Variants in SHROOM2 observed in about 807,000 individuals in gnomAD.
SHROOM2 encodes the protein protein Shroom2.
In SHROOM2, 33 loss-of-function variants were observed where a neutral mutation model predicts 75.9. That is an observed-to-expected ratio of 0.43 (90% CI 0.33 to 0.58). The LOEUF is 0.58. SHROOM2 is among the 20% of genes least tolerant of loss of function. SHROOM2 has a pLI of 0.04. For synonymous variants in SHROOM2, 655 were observed against 663.6 expected, an observed-to-expected ratio of 0.99 and a Z score of 0.20; for missense variants, 1,434 against 1,461.2, an observed-to-expected ratio of 0.98 and a Z score of 0.30.
At chrX:9,874,279 C>T (rs951189150) in intron 2 of SHROOM2, among the ~76,000 whole-genome samples, 30 of 111,969 alleles carry the variant, frequency 2.7e-4, no homozygotes, top group African/African-American at 8.4e-4. Context: ...CTGTACATTA[C>T]GTGTCAGTTG....
intron 1 of SHROOM2, among the ~76,000 whole-genome samples, chrX:9,815,693 C>T (rs767963915): frequency 1.8e-5 from 2 of 109,610 alleles, no homozygotes; most frequent in South Asian, 3.9e-4. Flanking sequence ...AGAGCTGGTC[C>T]GAGTCCCAAA....
intron 1 of SHROOM2, among the ~76,000 whole-genome samples, chrX:9,828,569 A>G (rs1226505975): frequency 3.6e-5 from 4 of 109,784 alleles, no homozygotes; most frequent in African/African-American, 6.6e-5. Flanking sequence ...GCAACCTCCA[A>G]CTCTCCCACC....
At chrX:9,824,338 T>A (rs1478003083) in intron 1 of SHROOM2, among the ~76,000 whole-genome samples, 2 of 110,365 alleles carry the variant, frequency 1.8e-5, no homozygotes, top group Admixed American at 1.9e-4. Flanking sequence ...CTCAGGAGGC[T>A]GAGGCAGGAG....
intron 5 of SHROOM2, among the ~76,000 whole-genome samples, chrX:9,931,405 T>C (rs2084647220): frequency 9.0e-6 from 1 of 111,283 alleles, no homozygotes; most frequent in Non-Finnish European, 1.9e-5. Context: ...ATCTAGCTAC[T>C]CCGCAGGCAG....
chrX:9,921,191 C>T (rs940857639), intron 5 of SHROOM2, among the ~76,000 whole-genome samples: 2 of 111,692 alleles, frequency 1.8e-5, no homozygotes, highest in African/African-American at 3.3e-5. Flanking sequence ...TTGGCTTCCC[C>T]GCTGTGAGTT....
chrX:9,932,198 A>C lies in SHROOM2; in HGVS notation c.2915A>C (p.Glu972Ala). 8.8e-7 allele frequency: 1 copy of C among 1,130,327 alleles called. No individual in the cohort carries two copies. The highest frequency in any genetic ancestry group is 2.2e-5 in the South Asian group (1 of 45,132). 93.2% of individuals were successfully genotyped at this position (1,130,327 alleles called of 1,213,427 possible). A position where few individuals can be genotyped will look rare whatever the true frequency, so the allele number is the denominator to read the frequency against. ...TPRQADAQCR[E>A]GSPGSQQHPP... is the part of the protein sequence containing the mutation. ...AGACAAGCAGATGCCCAGTGTCGGG[A>C]AGGCAGCCCAGGATCACAGCAGCAC... The change falls in exon 6 of 10, where the codon GAA becomes GCA. Residue 972 changes from glutamate (E) to alanine (A), a missense_variant. Transcript: ENST00000380913.
rs758331579 is a variant in SHROOM2 at position 9,896,459 on chromosome X, A to G, written c.2551A>G (p.Ser851Gly). 12 of 1,210,553 alleles carry G rather than the reference A, an allele frequency of 9.9e-6. No homozygotes were observed. In the South Asian group the frequency reaches 2.1e-4, roughly 21 times the overall value. Reference protein sequence around the residue: ...PWSRTTSLGDSLNAHSAAEKA... With the variant: ...PWSRTTSLGDGLNAHSAAEKA... ...GTCGCGCACCACCTCCCTTGGGGAC[A>G]GCCTCAACGCTCACAGCGCAGCGGA... is the stretch of plus-strand genomic sequence containing the variant. Residue 851 changes from serine to glycine, a missense_variant, in exon 4 of 10, where the codon AGC becomes GGC. This residue lies in a region of SHROOM2 where 1,340 missense variants were observed against 1,338.3 expected (regional missense o/e 1.00). Transcript: ENST00000380913.
chrX:9,886,033 C>A (rs1233135801), intron 2 of SHROOM2, among the ~76,000 whole-genome samples: 2 of 110,877 alleles, frequency 1.8e-5, no homozygotes, highest in Non-Finnish European at 3.8e-5. Context: ...TGTATATTAT[C>A]TTTTTAAAAA....
chrX:9,859,771 C>T (rs963956212), intron 1 of SHROOM2, among the ~76,000 whole-genome samples: 1 of 111,458 alleles, frequency 9.0e-6, no homozygotes, highest in African/African-American at 3.3e-5. Context: ...AACAGCAAGG[C>T]TTGTTTTACA....
intron 2 of SHROOM2, among the ~76,000 whole-genome samples, chrX:9,888,715 A>T (rs1290239632): frequency 8.9e-6 from 1 of 112,018 alleles, no homozygotes; most frequent in Non-Finnish European, 1.9e-5. Flanking sequence ...AAGTGCTGGG[A>T]TTACAGGTGT....
intron 8 of SHROOM2, among the ~76,000 whole-genome samples, chrX:9,942,398 G>A (rs955050913): frequency 4.5e-5 from 5 of 110,964 alleles, no homozygotes; most frequent in African/African-American, 1.3e-4. Flanking sequence ...TGGAGGTAGC[G>A]TCTCATCCCA....
chrX:9,899,778 G>A (rs1668182222), intron 5 of SHROOM2, among the ~76,000 whole-genome samples: 1 of 112,452 alleles, frequency 8.9e-6, no homozygotes, highest in Admixed American at 9.4e-5. Flanking sequence ...CTTTATGACT[G>A]TGGATTCCAA....
chrX:9,819,707 C>T (rs190992460), intron 1 of SHROOM2, among the ~76,000 whole-genome samples: 109 of 111,337 alleles, frequency 9.8e-4, no homozygotes, highest in African/African-American at 3.4e-3. Flanking sequence ...TGCTCTCCCA[C>T]GCTTGAAAAG....
intron 1 of SHROOM2, among the ~76,000 whole-genome samples, chrX:9,859,599 C>T (rs894062464): frequency 6.3e-5 from 7 of 111,353 alleles, no homozygotes; most frequent in Non-Finnish European, 1.3e-4. Context: ...GCGAGCTGGG[C>T]AGAGTGTGTG....
rs1356848786 is a variant in SHROOM2 at position 9,937,012 on chromosome X, T to C, written c.3588-122T>C. 30 of 690,575 alleles carry C rather than the reference T, an allele frequency of 4.3e-5. No individual in the cohort carries two copies. In the East Asian group the frequency reaches 9.8e-4, roughly 23 times the overall value. 56.9% of individuals were successfully genotyped at this position (690,575 alleles called of 1,213,427 possible). A position where few individuals can be genotyped will look rare whatever the true frequency, so the allele number is the denominator to read the frequency against. On this transcript the variant is annotated intron_variant, in intron 6 of 9. Coordinates refer to ENST00000380913, the MANE Select transcript of SHROOM2 (RefSeq NM_001649.4). The stretch of plus-strand genomic sequence containing the variant: ...GTGGGATCATGGAGGCTCCTTCGAG[T>C]TGGGTGGCTGGCTAGTGCCTTTGAG...
chrX:9,886,295 C>T (rs1001204928), intron 2 of SHROOM2, among the ~76,000 whole-genome samples: 7 of 112,429 alleles, frequency 6.2e-5, no homozygotes, highest in Admixed American at 9.3e-5. Flanking sequence ...CTGGCTGTGA[C>T]GCCCCTGTTC....
intron 1 of SHROOM2, among the ~76,000 whole-genome samples, chrX:9,788,478 G>A (rs1206187881): frequency 1.8e-5 from 2 of 111,185 alleles, no homozygotes; most frequent in African/African-American, 6.5e-5. Context: ...GGGGTGTCAA[G>A]AACAAGGCTG....
At position 9,809,866 on chromosome X, in the gene SHROOM2, G is replaced by A. The variant is rs551149331; in HGVS notation, c.165+23156G>A. ...TGTGTGTGTGTTTTTAGTAGAGACG[G>A]GGTTTCACCATGTTTTCCAGGCTGG... On this transcript the variant is annotated intron_variant, in intron 1 of 9. Coordinates refer to ENST00000380913, the MANE Select transcript of SHROOM2 (RefSeq NM_001649.4). Among the ~76,000 whole-genome samples the A allele has an allele frequency of 4.8e-4, 54 of 111,513 alleles. No homozygotes were observed. The South Asian group carries it at 0.02, about 41-fold the overall frequency.
intron 1 of SHROOM2, among the ~76,000 whole-genome samples, chrX:9,836,474 A>G (rs762039621): frequency 9.6e-4 from 100 of 103,726 alleles, no homozygotes; most frequent in Non-Finnish European, 1.7e-3. Flanking sequence ...GCCTCAGTCT[A>G]CCCCCCAGCT....
Sources: gnomAD v4.1 joint callset for allele counts (sites outside exome capture counted in the v4.1 genomes callset) on GRCh38, gnomAD v4.1.1 for gene constraint, gnomAD v4.1.1 regional missense constraint, MANE v1.5 for transcripts, NCBI Gene and HGNC (gene_info 2026-07-23, HGNC 2026-07-21) for gene names.